OSBPL1A: variants seen among roughly 807,000 people sequenced by gnomAD.
OSBPL1A encodes oxysterol binding protein like 1A, also known as oxysterol-binding protein-related protein 1.
OSBPL1A carries 80 observed loss-of-function variants against 137.1 expected under a neutral mutation model. The observed-to-expected ratio is 0.58, with a 90% CI of 0.49 to 0.70. The LOEUF is 0.70. Among genes scored for constraint, OSBPL1A ranks in the 30% least tolerant of loss-of-function variants. OSBPL1A has a pLI of 0.00. For synonymous variants in OSBPL1A, 365 were observed against 389.7 expected (o/e 0.94, Z 0.75); for missense variants, 970 against 1,129.4 (o/e 0.86, Z 2.02).
chr18:24,380,561 A>G (rs1349333067), intron 1 of OSBPL1A, among the ~76,000 whole-genome samples: 2 of 152,200 alleles, frequency 1.3e-5, no homozygotes, highest in Non-Finnish European at 2.9e-5. Flanking sequence ...CCAGGATCCC[A>G]CATCTGGTCC....
intron 13 of OSBPL1A, among the ~76,000 whole-genome samples, chr18:24,307,046 C>T (rs941918900): frequency 6.7e-6 from 1 of 149,990 alleles, no homozygotes; most frequent in African/African-American, 2.5e-5. Flanking sequence ...CATTTGAGCC[C>T]AGCATTTCGA....
chr18:24,239,906 T>C (rs891116908), intron 15 of OSBPL1A, among the ~76,000 whole-genome samples: 4 of 148,658 alleles, frequency 2.7e-5, no homozygotes, highest in African/African-American at 9.9e-5. Flanking sequence ...ACTACAAACA[T>C]TCTATTTTTC....
chr18:24,166,771 T>C lies in OSBPL1A; in HGVS notation c.2536-69A>G. On this transcript the variant is annotated intron_variant, in intron 25 of 27. Coordinates refer to ENST00000319481, the MANE Select transcript of OSBPL1A (RefSeq NM_080597.4). ...AATGCAAAATGAAACATCCTGAAAG[T>C]AGAAGAGGGTTGACTTGACAATGAC... is the stretch of plus-strand genomic sequence containing the variant. The C allele has an allele frequency of 3.4e-6, 5 of 1,491,564 alleles. No homozygotes were observed. The South Asian group carries it at 3.9e-5, about 12-fold the overall frequency. The allele number at this position is 1,491,564 out of a possible 1,614,324, so 92.4% of individuals were successfully genotyped here. A position where few individuals can be genotyped will look rare whatever the true frequency, so the allele number is the denominator to read the frequency against.
intron 4 of OSBPL1A, among the ~76,000 whole-genome samples, chr18:24,355,296 G>C (rs958946784): frequency 3.3e-5 from 5 of 151,448 alleles, no homozygotes; most frequent in Non-Finnish European, 7.4e-5. Context: ...GAGGTCAGGA[G>C]TTCTAGACCA....
At chr18:24,191,109 C>A (rs755399040) in intron 18 of OSBPL1A, among the ~76,000 whole-genome samples, 1 of 152,200 alleles carries the variant, frequency 6.6e-6, no homozygotes, top group Non-Finnish European at 1.5e-5. Context: ...GAATTGAGAT[C>A]GGAGAGCTTG....
intron 4 of OSBPL1A, among the ~76,000 whole-genome samples, chr18:24,349,259 C>A (rs2091398009): frequency 1.3e-5 from 2 of 151,992 alleles, no homozygotes; most frequent in Non-Finnish European, 2.9e-5. Flanking sequence ...CAATTACAAC[C>A]TGAGATCTGA....
chr18:24,278,327 C>T (rs1354225502), intron 15 of OSBPL1A, among the ~76,000 whole-genome samples: 1 of 152,182 alleles, frequency 6.6e-6, no homozygotes, highest in East Asian at 1.9e-4. Context: ...TCCACTGTTA[C>T]ACACATAAAA....
intron 17 of OSBPL1A, among the ~76,000 whole-genome samples, chr18:24,199,882 C>G (rs1163776858): frequency 6.6e-6 from 1 of 152,160 alleles, no homozygotes; most frequent in Non-Finnish European, 1.5e-5. Context: ...ATGCCAGGAA[C>G]AAGACAGGCT....
intron 14 of OSBPL1A, among the ~76,000 whole-genome samples, chr18:24,283,075 G>T (rs1276258009): frequency 6.6e-6 from 1 of 151,214 alleles, no homozygotes; most frequent in Non-Finnish European, 1.5e-5. Context: ...GACCAGTATG[G>T]CCAACATGGT....
At chr18:24,179,978 C>A (rs2086557558) in intron 19 of OSBPL1A, 143 bp from the exon 20 acceptor site, 1 of 653,796 alleles carries the variant, frequency 1.5e-6, no homozygotes, top group Non-Finnish European at 2.7e-6. Context: ...ATGGCTCTAG[C>A]AGTGGGACAT....
chr18:24,300,671 T>C (rs2090382681), intron 14 of OSBPL1A, among the ~76,000 whole-genome samples: 1 of 152,196 alleles, frequency 6.6e-6, no homozygotes, highest in African/African-American at 2.4e-5. Flanking sequence ...GGTCTTAAAG[T>C]TAATGCAATT....
intron 14 of OSBPL1A, among the ~76,000 whole-genome samples, chr18:24,294,481 G>A (rs1174639730): frequency 4.6e-5 from 7 of 152,088 alleles, no homozygotes; most frequent in Middle Eastern, 6.8e-3. Context: ...TGATCCGCCC[G>A]ACTCAGCCTC....
chr18:24,194,015 A>T (rs1256732735), intron 18 of OSBPL1A, among the ~76,000 whole-genome samples: 3 of 152,212 alleles, frequency 2.0e-5, no homozygotes, highest in Non-Finnish European at 2.9e-5. Context: ...GTTAGTCTCG[A>T]TTTGGACGTA....
At chr18:24,234,281 C>T (rs575933123) in intron 16 of OSBPL1A, among the ~76,000 whole-genome samples, 7 of 152,280 alleles carry the variant, frequency 4.6e-5, no homozygotes, top group African/African-American at 1.4e-4. Flanking sequence ...GAAGTGTTCC[C>T]TTACAGCTAT....
rs879536996 is a variant in OSBPL1A, at chr18:24,280,713, A to C, written c.1281+129T>G. 37 of 511,160 alleles carry C rather than the reference A, an allele frequency of 7.2e-5. No homozygotes were observed. The Admixed American group carries it at 1.0e-3, about 14-fold the overall frequency. 31.7% of individuals were successfully genotyped at this position (511,160 alleles called of 1,614,324 possible). A position where few individuals can be genotyped will look rare whatever the true frequency, so the allele number is the denominator to read the frequency against. On this transcript the variant is annotated intron_variant, in intron 15 of 27. Transcript: ENST00000319481. ...AAATAAGTTCTAAATTTTTGTGACA[A>C]ATGAAGCTTTCCTTTGTTAATACTA...
chr18:24,293,364 G>A (rs2090223004), intron 14 of OSBPL1A, among the ~76,000 whole-genome samples: 1 of 152,064 alleles, frequency 6.6e-6, no homozygotes, highest in African/African-American at 2.4e-5. Flanking sequence ...CAGTCCGGCT[G>A]GAGAGAATGA....
intron 2 of OSBPL1A, among the ~76,000 whole-genome samples, chr18:24,376,447 T>C (rs1190393867): frequency 6.6e-6 from 1 of 152,198 alleles, no homozygotes; most frequent in African/African-American, 2.4e-5. Flanking sequence ...GATTGGTGTA[T>C]TTACAATCCC....
chr18:24,278,580 G>A (rs1411333398), intron 15 of OSBPL1A, among the ~76,000 whole-genome samples: 1 of 152,124 alleles, frequency 6.6e-6, no homozygotes, highest in Non-Finnish European at 1.5e-5. Context: ...TTTTTAAGCA[G>A]ATAGTTTAAA....
At chr18:24,206,180 C>G (rs1184340729) in intron 17 of OSBPL1A, among the ~76,000 whole-genome samples, 1 of 152,178 alleles carries the variant, frequency 6.6e-6, no homozygotes, top group Non-Finnish European at 1.5e-5. Flanking sequence ...TGTGAGCCAC[C>G]ACACCTGGAT....
Sources: allele counts gnomAD v4.1 joint callset (sites outside exome capture counted in the v4.1 genomes callset), GRCh38; gene constraint gnomAD v4.1.1; transcripts MANE v1.5; gene names NCBI Gene and HGNC (gene_info 2026-07-23, HGNC 2026-07-21).